Variants in SENP6 observed in about 807,000 individuals in gnomAD.
The protein encoded by SENP6 is SUMO specific peptidase 6.
SENP6 carries 41 observed loss-of-function variants against 134.5 expected under a neutral mutation model. The ratio of observed to expected loss-of-function variants is 0.30; its 90% CI spans 0.24 to 0.40. The LOEUF is 0.40. Ranked by LOEUF, SENP6 falls within the 10% of genes least tolerant of loss-of-function variation. SENP6 has a pLI of 1.00. For synonymous variants in SENP6, 395 were observed against 429.8 expected (o/e 0.92, Z 1.00); for missense variants, 1,248 against 1,312.5 (o/e 0.95, Z 0.76).
chr6:75,682,773 T>C (rs1361104739), intron 16 of SENP6, among the ~76,000 whole-genome samples: 1 of 152,216 alleles, frequency 6.6e-6, no homozygotes, highest in Non-Finnish European at 1.5e-5. Flanking sequence ...CCATGGTGTA[T>C]ATGTGCCACA....
Position 75,697,524 on chromosome 6 carries a change from A to G in SENP6, c.2288+7A>G. The G allele has an allele frequency of 6.3e-7, 1 of 1,590,604 alleles. No individual in the cohort carries two copies. The highest frequency in any genetic ancestry group is 1.3e-5 in the African/African-American group (1 of 74,334). On this transcript the variant is annotated splice_region_variant and intron_variant, in intron 18 of 23. Transcript: ENST00000447266. ...TTGTACCCCTTAATGAAGCGTGAGT[A>G]AGAATTTCCTTTAAAGGAAAATCTT...
At chr6:75,668,105 C>T (rs894026742) in intron 10 of SENP6, among the ~76,000 whole-genome samples, 2 of 151,938 alleles carry the variant, frequency 1.3e-5, no homozygotes, top group Non-Finnish European at 2.9e-5. Context: ...ACAACAAAAG[C>T]AATCATAAGG....
chr6:75,672,978 C>G (rs962390713), intron 11 of SENP6, among the ~76,000 whole-genome samples: 2 of 152,060 alleles, frequency 1.3e-5, no homozygotes, highest in African/African-American at 4.8e-5. Context: ...CAGGCACCGG[C>G]CACCACGTCC....
At position 75,676,558 on chromosome 6, in the gene SENP6, T is replaced by C. The variant is rs72654734; in HGVS notation, c.1622-472T>C. 0.01 allele frequency: 1,641 copies of C among 156,610 alleles called. 60 individuals are homozygous for C. The East Asian group carries it at 0.14, about 13-fold the overall frequency. The allele number at this position is 156,610 out of a possible 1,614,324, so 9.7% of individuals were successfully genotyped here. On this transcript the variant is annotated intron_variant, in intron 13 of 23. Transcript: ENST00000447266. The stretch of plus-strand genomic sequence containing the variant: ...TTAGAAGATATACACATTTCAGCAG[T>C]AATTGCTGCTTCAGCTTAATTATGA...
At chr6:75,611,576 G>A (rs1476439621) in intron 1 of SENP6, 1 of 152,160 alleles carries the variant, frequency 6.6e-6, no homozygotes, top group Admixed American at 6.5e-5. Context: ...CTGACACTTT[G>A]ATGATCCTCT....
intron 16 of SENP6, among the ~76,000 whole-genome samples, chr6:75,681,713 T>G (rs946744692): frequency 6.6e-6 from 1 of 151,968 alleles, no homozygotes; most frequent in African/African-American, 2.4e-5. Flanking sequence ...TGACAACTCT[T>G]GAAACAAATG....
chr6:75,687,577 G>A (rs1370960766), intron 16 of SENP6, among the ~76,000 whole-genome samples: 1 of 152,170 alleles, frequency 6.6e-6, no homozygotes, highest in African/African-American at 2.4e-5. Context: ...CGACAGATGG[G>A]GTTTTGGTGT....
chr6:75,602,334 A>T lies in SENP6; in HGVS notation c.-191A>T, dbSNP rs1766684419. 5.9e-6 allele frequency: 3 copies of T among 507,022 alleles called. No individual in the cohort carries two copies. Among genetic ancestry groups the T allele is most frequent in the African/African-American group, 2.0e-5 (1 of 48,856 alleles). The allele number at this position is 507,022 out of a possible 1,614,324, so 31.4% of individuals were successfully genotyped here. On this transcript the variant is annotated 5_prime_UTR_variant, in exon 1 of 24. Transcript: ENST00000447266. ...GGCCTCGCTGCCCGCCAGCCCGCGG[A>T]CAGGCCCGGGCGCGCCTGGCCTGCC...
rs1453269469 is a variant in SENP6 at position 75,634,597 on chromosome 6, G to GTT, written c.354-109_354-108dup. On this transcript the variant is annotated intron_variant, in intron 4 of 23. Coordinates refer to ENST00000447266, the MANE Select transcript of SENP6 (RefSeq NM_015571.4). ...TGGGTTTATCCATAAATTTTTTGTTGTTGTTGGTAAAGGTTTTTGTGTGTT... is the reference window on the plus strand; with the variant it reads ...TGGGTTTATCCATAAATTTTTTGTTGTTTTGTTGGTAAAGGTTTTTGTGTGTT... 3 of 559,872 alleles carry GTT rather than the reference G, an allele frequency of 5.4e-6. No homozygotes were observed. The African/African-American group carries it at 5.9e-5, about 11-fold the overall frequency. 34.7% of individuals were successfully genotyped at this position (559,872 alleles called of 1,614,324 possible). A position where few individuals can be genotyped will look rare whatever the true frequency, so the allele number is the denominator to read the frequency against.
intron 10 of SENP6, among the ~76,000 whole-genome samples, chr6:75,668,429 A>G (rs1351127488): frequency 1.3e-5 from 2 of 152,222 alleles, no homozygotes; most frequent in South Asian, 2.1e-4. Flanking sequence ...TATATTTTTA[A>G]TTTTTAAAAA....
At chr6:75,608,763 G>T (rs1001366917) in intron 1 of SENP6, among the ~76,000 whole-genome samples, 1 of 152,122 alleles carries the variant, frequency 6.6e-6, no homozygotes, top group African/African-American at 2.4e-5. Context: ...TTATAAGATT[G>T]CCATGAGGAT....
intron 19 of SENP6, 83 bp downstream of exon 19, chr6:75,703,155 A>T (rs561491514): frequency 3.7e-5 from 42 of 1,124,818 alleles, no homozygotes; most frequent in Middle Eastern, 6.2e-4. Context: ...ATCCTGTTTT[A>T]AAAAAAAATC....
At chr6:75,608,064 G>A (rs1767160219) in intron 1 of SENP6, among the ~76,000 whole-genome samples, 1 of 152,164 alleles carries the variant, frequency 6.6e-6, no homozygotes, top group Non-Finnish European at 1.5e-5. Flanking sequence ...ACTTAAGTAT[G>A]TTTATTTCCT....
At chr6:75,630,633 C>A (rs369079545) in intron 3 of SENP6, among the ~76,000 whole-genome samples, 1 of 152,234 alleles carries the variant, frequency 6.6e-6, no homozygotes, top group Non-Finnish European at 1.5e-5. Flanking sequence ...TAAGAGAAAT[C>A]CTTTATTAAA....
intron 8 of SENP6, among the ~76,000 whole-genome samples, chr6:75,662,042 A>ATC (rs1187466831): frequency 2.0e-5 from 3 of 152,038 alleles, no homozygotes; most frequent in Non-Finnish European, 2.9e-5. Context: ...ACAAGAGTGA[A>ATC]TCTCCTTCTC....
At chr6:75,653,752 C>G (rs1346632808) in intron 7 of SENP6, among the ~76,000 whole-genome samples, 2 of 151,834 alleles carry the variant, frequency 1.3e-5, no homozygotes, top group Non-Finnish European at 2.9e-5. Flanking sequence ...TTCAAGCTGG[C>G]CTTGTGCCCC....
In SENP6 at chr6:75,697,517, C is replaced by T. The variant is rs373815149; in HGVS notation, c.2288C>T (p.Ala763Val). 8 of 1,597,284 alleles carry T rather than the reference C, an allele frequency of 5.0e-6. No individual in the cohort carries two copies. The highest frequency in any genetic ancestry group is 2.7e-5 in the African/African-American group (2 of 74,272). The change falls in exon 18 of 24, where the codon GCT becomes GTT. Residue 763 changes from alanine (A) to valine (V), a missense_variant and splice_region_variant. Transcript: ENST00000447266. ...TTTATTTTTGTACCCCTTAATGAAG[C>T]GTGAGTAAGAATTTCCTTTAAAGGA... ...KDFIFVPLNE[A>V]AHWFLAVVCF...
At chr6:75,695,014 A>C (rs1383599468) in intron 16 of SENP6, among the ~76,000 whole-genome samples, 1 of 152,072 alleles carries the variant, frequency 6.6e-6, no homozygotes, top group Non-Finnish European at 1.5e-5. Flanking sequence ...AGCTGGGATT[A>C]CAGGCACTCG....
intron 23 of SENP6, among the ~76,000 whole-genome samples, chr6:75,714,521 T>C (rs969456615): frequency 1.3e-5 from 2 of 152,228 alleles, no homozygotes; most frequent in African/African-American, 2.4e-5. Context: ...TCCTGCCTTC[T>C]GGTTTTCATG....
Sources: allele counts gnomAD v4.1 joint callset (sites outside exome capture counted in the v4.1 genomes callset), GRCh38; gene constraint gnomAD v4.1.1; transcripts MANE v1.5; gene names NCBI Gene and HGNC (gene_info 2026-07-23, HGNC 2026-07-21).